The following HEMGN variants were observed in gnomAD, a reference collection of about 807,000 sequenced individuals.
HEMGN encodes the protein hemogen.
Under a neutral mutation model 45.7 loss-of-function variants are expected in HEMGN, and 32 were observed. The ratio of observed to expected loss-of-function variants is 0.70; its 90% CI spans 0.53 to 0.94. HEMGN has a LOEUF of 0.94. Among genes scored for constraint, HEMGN ranks in the 40% least tolerant of loss-of-function variants. HEMGN has a pLI of 0.00. For synonymous variants in HEMGN, 183 were observed against 178.6 expected (o/e 1.02, Z -0.20); for missense variants, 530 against 564.2 (o/e 0.94, Z 0.61).
upstream of HEMGN, chr9:97,938,345 T>C: frequency 2.0e-6 from 1 of 506,080 alleles, no homozygotes; most frequent in South Asian, 2.9e-5. Flanking sequence ...CAGGTGTGAG[T>C]AGGGGAAATG....
chr9:97,941,758 A>G (rs1169094853), upstream of HEMGN, among the ~76,000 whole-genome samples: 1 of 152,194 alleles, frequency 6.6e-6, no homozygotes, highest in Non-Finnish European at 1.5e-5. Context: ...ACAGCAAAGG[A>G]GCAGCCAGTG....
At chr9:97,929,419 G>A (rs1171171752) in intron 3 of HEMGN, among the ~76,000 whole-genome samples, 1 of 152,196 alleles carries the variant, frequency 6.6e-6, no homozygotes, top group Non-Finnish European at 1.5e-5. Flanking sequence ...ACTGTCTACA[G>A]TATTGTACAA....
At chr9:97,934,384 A>G (rs138742325) in intron 2 of HEMGN, among the ~76,000 whole-genome samples, 3,210 of 125,022 alleles carry the variant, frequency 0.026, 45 homozygotes, top group Middle Eastern at 0.062. Context: ...GAGAAAGAGA[A>G]AAAAGAAAAG....
chr9:97,937,948 T>C, intron 1 of HEMGN, 110 bp downstream of exon 1: 1 of 671,552 alleles, frequency 1.5e-6, no homozygotes, highest in African/African-American at 1.8e-5. Flanking sequence ...CTCATTAGCT[T>C]TCATTTATTT....
At position 97,929,637 on chromosome 9, in the gene HEMGN, G is replaced by A. The variant is rs561588949; in HGVS notation, c.1360+398C>T. ...CAGCTTTTATCTCCCTCAGTACTTC[G>A]TACTATGAATTTACCTGCTTTCCAT... On this transcript the variant is annotated intron_variant, in intron 3 of 3. Transcript: ENST00000616898. 3.9e-5 allele frequency among the ~76,000 whole-genome samples: 6 copies of A among 152,176 alleles called. No homozygotes were observed. The East Asian group carries it at 5.8e-4, about 15-fold the overall frequency.
intron 2 of HEMGN, 77 bp from the exon 3 acceptor site, chr9:97,931,298 C>A: frequency 9.6e-7 from 1 of 1,040,932 alleles, no homozygotes; most frequent in South Asian, 1.6e-5. Context: ...AGTGCCAGGT[C>A]CCCCACTGCC....
upstream of HEMGN, among the ~76,000 whole-genome samples, chr9:97,938,704 T>C (rs565265509): frequency 6.6e-6 from 1 of 152,346 alleles, no homozygotes; most frequent in African/African-American, 2.4e-5. Context: ...TAATCTTACA[T>C]GGTTTCCTGT....
Position 97,943,457 on chromosome 9 carries a change from T to A in HEMGN, c.-56+1311A>T, listed in dbSNP as rs1052771351. On this transcript the variant is annotated intron_variant, in intron 1 of 4. Transcript: ENST00000259456. ...TCTCTCTCAGTCTGTTGATGCATGA[T>A]AAATGACTTCTGTCTGCTAAAACAG... Among the ~76,000 whole-genome samples, 3 of 152,238 alleles carry A rather than the reference T, an allele frequency of 2.0e-5. No homozygotes were observed. In the South Asian group the frequency reaches 6.2e-4, roughly 32 times the overall value.
rs1017229959 is a variant in HEMGN, at chr9:97,927,348, T to C, written c.*36A>G. 2 of 1,133,688 alleles carry C rather than the reference T, an allele frequency of 1.8e-6. No individual in the cohort carries two copies. Among genetic ancestry groups the C allele is most frequent in the African/African-American group, 3.1e-5 (2 of 65,150 alleles). 70.2% of individuals were successfully genotyped at this position (1,133,688 alleles called of 1,614,324 possible). ...ATCACGCATAAACTATTAAGCTGTATGTTCCATTGGACCACAACTTTATGG... is the reference window on the plus strand; with the variant it reads ...ATCACGCATAAACTATTAAGCTGTACGTTCCATTGGACCACAACTTTATGG... On this transcript the variant is annotated 3_prime_UTR_variant, in exon 4 of 4. Transcript: ENST00000616898.
upstream of HEMGN, among the ~76,000 whole-genome samples, chr9:97,942,947 G>A (rs562008309): frequency 6.6e-6 from 1 of 152,170 alleles, no homozygotes; most frequent in African/African-American, 2.4e-5. Context: ...ACTTTGGTTT[G>A]TCATGCCATA....
At chr9:97,933,921 T>C (rs755109) in intron 2 of HEMGN, among the ~76,000 whole-genome samples, 45,799 of 152,108 alleles carry the variant, frequency 0.3, 7,700 homozygotes, top group Non-Finnish European at 0.37. Context: ...CCCAGAAACC[T>C]GATTCTGTTA....
intron 3 of HEMGN, 111 bp downstream of exon 3, chr9:97,929,924 A>C: frequency 1.3e-6 from 1 of 785,264 alleles, no homozygotes; most frequent in East Asian, 2.5e-5. Flanking sequence ...TAGTCAATGA[A>C]ATTCACAGTA....
chr9:97,938,274 A>G (rs1165474885), upstream of HEMGN: 5 of 638,374 alleles, frequency 7.8e-6, no homozygotes, highest in African/African-American at 5.5e-5. Flanking sequence ...CTTCCCGCCT[A>G]AAAGTTTTAT....
At chr9:97,931,343 C>T in intron 2 of HEMGN, 122 bp from the exon 3 acceptor site, 1 of 664,950 alleles carries the variant, frequency 1.5e-6, no homozygotes, top group Non-Finnish European at 2.5e-6. Flanking sequence ...GTCACTTAAT[C>T]TCTCTGGGCC....
intron 3 of HEMGN, among the ~76,000 whole-genome samples, chr9:97,928,255 T>A (rs1012045975): frequency 6.6e-6 from 1 of 152,082 alleles, no homozygotes; most frequent in Non-Finnish European, 1.5e-5. Flanking sequence ...CTCGATCTCC[T>A]GACCTCGTGA....
At chr9:97,932,553 C>A (rs2131553873) in intron 2 of HEMGN, among the ~76,000 whole-genome samples, 1 of 152,216 alleles carries the variant, frequency 6.6e-6, no homozygotes. Context: ...CGCCTGTAAT[C>A]CCAGCACTCT....
intron 1 of HEMGN, among the ~76,000 whole-genome samples, chr9:97,937,141 T>C (rs1482586917): frequency 6.6e-6 from 1 of 152,230 alleles, no homozygotes; most frequent in Non-Finnish European, 1.5e-5. Flanking sequence ...TACCAACCTC[T>C]AATTAAAATT....
chr9:97,942,142 A>G (rs1470517827), upstream of HEMGN, among the ~76,000 whole-genome samples: 2 of 152,144 alleles, frequency 1.3e-5, no homozygotes, highest in Admixed American at 6.5e-5. Flanking sequence ...TAACATAGCT[A>G]TTATTGTCCT....
intron 2 of HEMGN, among the ~76,000 whole-genome samples, chr9:97,935,921 G>T (rs1331561252): frequency 2.0e-5 from 3 of 152,140 alleles, no homozygotes; most frequent in African/African-American, 7.2e-5. Flanking sequence ...GTTGCTCAGT[G>T]CTTTAATTAA....
Sources: allele counts gnomAD v4.1 joint callset (sites outside exome capture counted in the v4.1 genomes callset), GRCh38; gene constraint gnomAD v4.1.1; transcripts MANE v1.5; gene names NCBI Gene and HGNC (gene_info 2026-07-23, HGNC 2026-07-21).